Variants in ZNF34 observed in about 807,000 individuals in gnomAD.
ZNF34 encodes the protein zinc finger protein 34, also known as zinc finger protein 34 (KOX 32).
A neutral mutation model predicts 14.4 loss-of-function variants in ZNF34; 8 were observed. That is an observed-to-expected ratio of 0.55 (90% CI 0.33 to 1.00). ZNF34 has a LOEUF of 1.00. Among genes scored for constraint, ZNF34 ranks in the 50% least tolerant of loss-of-function variants. ZNF34 has a pLI of 0.03. For missense variants in ZNF34, 538 were observed against 674.2 expected, an observed-to-expected ratio of 0.80 and a Z score of 2.24; for synonymous variants, 235 against 247.9, an observed-to-expected ratio of 0.95 and a Z score of 0.49.
intron 1 of ZNF34, among the ~76,000 whole-genome samples, chr8:144,786,705 AC>A (rs1334321791): frequency 6.6e-6 from 1 of 151,932 alleles, no homozygotes; most frequent in African/African-American, 2.4e-5. Context: ...AAGAAGAGAA[AC>A]AAAAATCTGG....
At position 144,774,203 on chromosome 8, in the gene ZNF34, T is replaced by C; in HGVS notation, c.683A>G (p.Lys228Arg). ...KEDQKIPTGK[K>R]LHYCSYCGKT... ...CCCACAGTAACTGCAATAATGCAAT[T>C]TTTTCCCAGTAGGAATTTTCTGATC... The change falls in exon 6 of 6, where the codon AAA becomes AGA. Residue 228 changes from lysine to arginine, a missense_variant. This residue lies in a region of ZNF34 where 431 missense variants were observed against 525.7 expected (regional missense o/e 0.82). Coordinates refer to ENST00000429371, the MANE Select transcript of ZNF34 (RefSeq NM_001286769.2). 1 of 1,613,366 alleles carries C rather than the reference T, an allele frequency of 6.2e-7. No individual in the cohort carries two copies. Among genetic ancestry groups the C allele is most frequent in the Non-Finnish European group, 8.5e-7 (1 of 1,179,778 alleles).
In ZNF34 at chr8:144,780,384, G is replaced by A. The variant is rs1825788324; in HGVS notation, c.-107-104C>T. 5.8e-6 allele frequency: 5 copies of A among 863,954 alleles called. No homozygotes were observed. In the East Asian group the frequency reaches 1.1e-4, roughly 20 times the overall value. 53.5% of individuals were successfully genotyped at this position (863,954 alleles called of 1,614,324 possible). A position where few individuals can be genotyped will look rare whatever the true frequency, so the allele number is the denominator to read the frequency against. ...TATATATCTTTTCTGTATCTTTAAA[G>A]CTTTTTATTTAAGTATATTTTTATC... On this transcript the variant is annotated intron_variant, in intron 1 of 5. Transcript: ENST00000429371.
intron 5 of ZNF34, among the ~76,000 whole-genome samples, chr8:144,776,728 A>G (rs1043360137): frequency 3.9e-5 from 6 of 152,094 alleles, no homozygotes; most frequent in African/African-American, 1.2e-4. Flanking sequence ...TGGGCAACAC[A>G]GTGAAACCTC....
In ZNF34 at chr8:144,773,592, C is replaced by G; in HGVS notation, c.1294G>C (p.Gly432Arg). Residue 432 changes from glycine (G) to arginine (R), a missense_variant, in exon 6 of 6, where the codon GGC becomes CGC. Around this residue, in one of 3 missense-constraint regions of ZNF34, gnomAD observed 6 missense variants for 25.4 expected, o/e 0.24. Transcript: ENST00000429371. The surrounding 1 kb of genome is among the most constrained non-coding windows in gnomAD (Gnocchi z 5.4). Reference protein sequence around the residue: ...GEKPYECNDCGKVFSQSTHLI... With the variant: ...GEKPYECNDCRKVFSQSTHLI... Reference sequence around the variant, plus strand: ...TGTGTGCTTTGGCTGAAAACTTTGCCACAGTCATTGCATTCATAGGGCTTC... The same window carrying G: ...TGTGTGCTTTGGCTGAAAACTTTGCGACAGTCATTGCATTCATAGGGCTTC... 6.2e-7 allele frequency: 1 copy of G among 1,614,128 alleles called. No homozygotes were observed. Among genetic ancestry groups the G allele is most frequent in the Non-Finnish European group, 8.5e-7 (1 of 1,180,006 alleles).
chr8:144,775,362 ACT>A (rs777729782), intron 5 of ZNF34, among the ~76,000 whole-genome samples: 3 of 152,092 alleles, frequency 2.0e-5, no homozygotes, highest in Admixed American at 6.6e-5. Flanking sequence ...TGACTCAGTG[ACT>A]CTGCTCCCAG....
intron 1 of ZNF34, among the ~76,000 whole-genome samples, chr8:144,784,531 G>A (rs536951538): frequency 3.3e-4 from 49 of 150,458 alleles, no homozygotes; most frequent in Non-Finnish European, 6.0e-4. Flanking sequence ...AGGCCGAGGT[G>A]AGTGGATCAC....
In ZNF34 at chr8:144,777,094, C is replaced by G. The variant is rs561022136; in HGVS notation, c.280+364G>C. Among the ~76,000 whole-genome samples the G allele has an allele frequency of 7.3e-5, 11 of 151,352 alleles. No homozygotes were observed. The East Asian group carries it at 2.0e-3, about 28-fold the overall frequency. ...AAGAGAGGGGAATTAAATGATAGCT[C>G]CATCATTAGGCCCTCATTATCTGGC... On this transcript the variant is annotated intron_variant, in intron 5 of 5. Coordinates refer to ENST00000429371, the MANE Select transcript of ZNF34 (RefSeq NM_001286769.2). This position sits in a 1 kb window ranked among gnomAD's most constrained non-coding sequence, Gnocchi z 4.8.
intron 1 of ZNF34, among the ~76,000 whole-genome samples, chr8:144,781,624 G>A (rs920474744): frequency 4.0e-5 from 6 of 151,686 alleles, no homozygotes; most frequent in African/African-American, 1.2e-4. Flanking sequence ...AAAACATAGA[G>A]AACACACATT....
intron 1 of ZNF34, among the ~76,000 whole-genome samples, chr8:144,786,002 T>G (rs1826209391): frequency 2.0e-5 from 2 of 97,950 alleles, no homozygotes; most frequent in African/African-American, 4.1e-5. Context: ...TTTTTTTTTT[T>G]GAGACGGAGT....
intron 1 of ZNF34, among the ~76,000 whole-genome samples, chr8:144,782,470 C>T (rs181115241): frequency 3.8e-4 from 58 of 151,394 alleles, no homozygotes; most frequent in Middle Eastern, 3.4e-3. Flanking sequence ...CCAGTCTGGG[C>T]GACAGAGTGA....
At chr8:144,781,929 T>G (rs549139786) in intron 1 of ZNF34, among the ~76,000 whole-genome samples, 21 of 152,324 alleles carry the variant, frequency 1.4e-4, no homozygotes, top group African/African-American at 4.8e-4. Context: ...CTCACGTCTA[T>G]AATCCCAGCA....
intron 2 of ZNF34, among the ~76,000 whole-genome samples, 198 bp downstream of exon 2, chr8:144,780,026 CAAAA>C (rs10710060): frequency 9.8e-6 from 1 of 101,672 alleles, no homozygotes. Flanking sequence ...TTAATGCTAC[CAAAA>C]AAAAAAAAAA....
chr8:144,773,885 C>A lies in ZNF34; in HGVS notation c.1001G>T (p.Arg334Ile). Residue 334 changes from arginine (R) to isoleucine (I), a missense_variant, in exon 6 of 6, where the codon AGA becomes ATA. Around this residue, in one of 3 missense-constraint regions of ZNF34, gnomAD observed 431 missense variants for 525.7 expected, o/e 0.82. Transcript: ENST00000429371. The surrounding 1 kb of genome is among the most constrained non-coding windows in gnomAD (Gnocchi z 5.4). ...SAYSSLIYHQRIHTGEKPYKC... is the reference protein window; with the variant it reads ...SAYSSLIYHQIIHTGEKPYKC... Reference sequence around the variant, plus strand: ...ATAGGGTTTCTCTCCGGTGTGGATTCTCTGGTGATAAATCAGGGAAGAGTA... The same window carrying A: ...ATAGGGTTTCTCTCCGGTGTGGATTATCTGGTGATAAATCAGGGAAGAGTA... 1 of 1,614,124 alleles carries A rather than the reference C, an allele frequency of 6.2e-7. No homozygotes were observed. Among genetic ancestry groups the A allele is most frequent in the Non-Finnish European group, 8.5e-7 (1 of 1,180,030 alleles).
rs1319868239 is a variant in ZNF34 at position 144,772,698 on chromosome 8, C to T, written c.*568G>A. On this transcript the variant is annotated 3_prime_UTR_variant, in exon 6 of 6. Coordinates refer to ENST00000429371, the MANE Select transcript of ZNF34 (RefSeq NM_001286769.2). ...GGGATTACAGGCACCCACCACCACA[C>T]CTGGCTAATTTTTGTATTTTTAGTA... is the stretch of plus-strand genomic sequence containing the variant. Among the ~76,000 whole-genome samples the T allele has an allele frequency of 6.6e-6, 1 of 152,256 alleles. No individual in the cohort carries two copies. The highest frequency in any genetic ancestry group is 2.4e-5 in the African/African-American group (1 of 41,548).
chr8:144,773,984 A>T lies in ZNF34; in HGVS notation c.902T>A (p.Leu301His). 6.2e-7 allele frequency: 1 copy of T among 1,614,084 alleles called. No individual in the cohort carries two copies. The highest frequency in any genetic ancestry group is 8.5e-7 in the Non-Finnish European group (1 of 1,180,008). The change falls in exon 6 of 6, where the codon CTC becomes CAC. Residue 301 changes from leucine (L) to histidine (H), a missense_variant. This residue lies in a region of ZNF34 where 431 missense variants were observed against 525.7 expected (regional missense o/e 0.82). Coordinates refer to ENST00000429371, the MANE Select transcript of ZNF34 (RefSeq NM_001286769.2). The surrounding 1 kb of genome is among the most constrained non-coding windows in gnomAD (Gnocchi z 5.4). ...CGKTFTRRPNLMKHQRIHTGE... is the reference protein window; with the variant it reads ...CGKTFTRRPNHMKHQRIHTGE... ...AGTGTGAATCCTCTGGTGCTTCATG[A>T]GGTTGGGCCTCCGGGTGAATGTCTT...
intron 1 of ZNF34, among the ~76,000 whole-genome samples, chr8:144,781,499 G>A (rs1412969766): frequency 6.6e-6 from 1 of 151,938 alleles, no homozygotes; most frequent in Non-Finnish European, 1.5e-5. Context: ...CTTGTGATCT[G>A]CCCGCCTTGG....
At chr8:144,778,625 G>A (rs1250376139) in intron 2 of ZNF34, 100 bp from the exon 3 acceptor site, 3 of 906,240 alleles carry the variant, frequency 3.3e-6, no homozygotes, top group Non-Finnish European at 4.8e-6. Flanking sequence ...CTGCCTCACT[G>A]GTCCACCCCT....
rs759379643 is a variant in ZNF34 at position 144,774,053 on chromosome 8, C to T, written c.833G>A (p.Arg278Lys). 6.2e-7 allele frequency: 1 copy of T among 1,613,988 alleles called. No homozygotes were observed. Among genetic ancestry groups the T allele is most frequent in the African/African-American group, 1.3e-5 (1 of 74,898 alleles). The change falls in exon 6 of 6, where the codon AGG (arginine) becomes AAG (lysine). Residue 278 changes from arginine (R) to lysine (K), a missense_variant. This residue lies in a region of ZNF34 where 431 missense variants were observed against 525.7 expected (regional missense o/e 0.82). Coordinates refer to ENST00000429371, the MANE Select transcript of ZNF34 (RefSeq NM_001286769.2). ...SQSCEFINHR[R>K]MHSGEIPYRC... ...GTAGGGAATCTCTCCTGAGTGCATC[C>T]TTCGGTGATTGATGAACTCGCAGCT...
chr8:144,775,924 C>A (rs1443931918), intron 5 of ZNF34, among the ~76,000 whole-genome samples: 1 of 152,252 alleles, frequency 6.6e-6, no homozygotes, highest in African/African-American at 2.4e-5. Flanking sequence ...GCTATCCAAT[C>A]TTTTGGCCTG....
Sources: allele counts gnomAD v4.1 joint callset (sites outside exome capture counted in the v4.1 genomes callset), GRCh38; gene constraint gnomAD v4.1.1; regional missense constraint gnomAD v4.1.1; non-coding constraint Gnocchi (gnomAD v3.1); transcripts MANE v1.5; gene names NCBI Gene and HGNC (gene_info 2026-07-23, HGNC 2026-07-21).